FAM78B: variants seen among roughly 807,000 people sequenced by gnomAD.
FAM78B encodes the protein family with sequence similarity 78 member B, also known as protein FAM78B.
In FAM78B, 10 loss-of-function variants were observed where a neutral mutation model predicts 20.0. That is an observed-to-expected ratio of 0.50 (90% CI 0.31 to 0.85). The LOEUF (loss-of-function observed/expected upper bound fraction) is 0.85. FAM78B is among the 40% of genes least tolerant of loss of function. The pLI, the probability that FAM78B is intolerant of heterozygous loss-of-function variation, is 0.05. For synonymous variants in FAM78B, 135 were observed against 132.8 expected (o/e 1.02, Z -0.12); for missense variants, 283 against 345.0 (o/e 0.82, Z 1.42).
intron 1 of FAM78B, among the ~76,000 whole-genome samples, chr1:166,085,509 C>G (rs1557894096): frequency 6.6e-6 from 1 of 152,228 alleles, no homozygotes; most frequent in Non-Finnish European, 1.5e-5. Context: ...CAAGGAGACA[C>G]TGATAAAGAC....
At chr1:166,081,556 C>T (rs1557892509) in intron 1 of FAM78B, among the ~76,000 whole-genome samples, 1 of 152,198 alleles carries the variant, frequency 6.6e-6, no homozygotes, top group Non-Finnish European at 1.5e-5. Flanking sequence ...GGCTGTGTCC[C>T]TTACAAGGGT....
At chr1:166,118,885 T>G (rs1654361450) in intron 1 of FAM78B, among the ~76,000 whole-genome samples, 1 of 152,078 alleles carries the variant, frequency 6.6e-6, no homozygotes, top group Non-Finnish European at 1.5e-5. Flanking sequence ...CATCCCCAGC[T>G]CCTCTGCTGA....
chr1:166,166,971 T>G lies in FAM78B; in HGVS notation c.-723A>C, dbSNP rs1020234538. ...CCAACGGCTGGAGCAGCACAGGACG[T>G]GCTCCGCGGAGGAAACTGGCTGTAC... is the stretch of plus-strand genomic sequence containing the variant. On this transcript the variant is annotated 5_prime_UTR_variant, in exon 1 of 2. Transcript: ENST00000354422. 7.2e-6 allele frequency: 1 copy of G among 139,382 alleles called. No homozygotes were observed. The highest frequency in any genetic ancestry group is 1.5e-5 in the Non-Finnish European group (1 of 65,506). 8.6% of individuals were successfully genotyped at this position (139,382 alleles called of 1,614,324 possible).
exon 3 of FAM78B, chr1:166,058,248 T>A (rs1651427475): frequency 6.6e-6 from 1 of 152,186 alleles, no homozygotes; most frequent in Non-Finnish European, 1.5e-5. Context: ...CTGGGAAGGG[T>A]AACACTCGAC....
intron 1 of FAM78B, among the ~76,000 whole-genome samples, chr1:166,155,712 A>C (rs1557920611): frequency 6.6e-6 from 1 of 152,224 alleles, no homozygotes; most frequent in Non-Finnish European, 1.5e-5. Context: ...GATAACAAAA[A>C]ATCTATTCTT....
chr1:166,122,655 A>T (rs1298997951), intron 1 of FAM78B, among the ~76,000 whole-genome samples: 1 of 152,182 alleles, frequency 6.6e-6, no homozygotes. Context: ...CTCTCTTAGC[A>T]TCTGTGTGTC....
chr1:166,075,259 A>G (rs903257734), intron 1 of FAM78B, among the ~76,000 whole-genome samples: 3 of 152,228 alleles, frequency 2.0e-5, no homozygotes, highest in African/African-American at 7.2e-5. Context: ...GTGATCTTTA[A>G]TGAGGGCTTC....
intron 1 of FAM78B, among the ~76,000 whole-genome samples, chr1:166,090,630 G>T (rs972075411): frequency 1.3e-5 from 2 of 152,188 alleles, no homozygotes; most frequent in African/African-American, 4.8e-5. Context: ...CAGTTCGAAT[G>T]ATTTCTTCAC....
chr1:166,164,948 T>G (rs1270854263), intron 1 of FAM78B: 1 of 152,276 alleles, frequency 6.6e-6, no homozygotes, highest in Non-Finnish European at 1.5e-5. Flanking sequence ...CTATTGTCGT[T>G]GCCACCTGCT....
chr1:166,083,520 T>A (rs1652664396), intron 1 of FAM78B, among the ~76,000 whole-genome samples: 2 of 152,206 alleles, frequency 1.3e-5, no homozygotes, highest in Non-Finnish European at 2.9e-5. Flanking sequence ...TTTCCTTTTT[T>A]TTGAAATGCA....
chr1:166,063,239 T>C (rs1387156558), intron 2 of FAM78B, among the ~76,000 whole-genome samples: 12 of 152,216 alleles, frequency 7.9e-5, no homozygotes, highest in Non-Finnish European at 1.2e-4. Context: ...GCCTGACACA[T>C]AGAAGACACT....
chr1:166,098,348 A>G (rs1470811002), intron 1 of FAM78B, among the ~76,000 whole-genome samples: 2 of 152,162 alleles, frequency 1.3e-5, no homozygotes, highest in Non-Finnish European at 2.9e-5. Flanking sequence ...CGCCGCCTCC[A>G]AAATCACACT....
intron 2 of FAM78B, among the ~76,000 whole-genome samples, chr1:166,062,992 C>A (rs1651663000): frequency 6.6e-6 from 1 of 152,200 alleles, no homozygotes; most frequent in African/African-American, 2.4e-5. Flanking sequence ...CTTCAAAGGG[C>A]TCAAAGTGCT....
At chr1:166,139,713 G>A (rs562941918) in intron 1 of FAM78B, among the ~76,000 whole-genome samples, 7 of 152,144 alleles carry the variant, frequency 4.6e-5, no homozygotes, top group African/African-American at 1.7e-4. Flanking sequence ...CTGCAGGGCT[G>A]GTCTTAACCA....
rs184946288 is a variant in FAM78B, at chr1:166,144,605, G to C, written c.263+21381C>G. On this transcript the variant is annotated intron_variant, in intron 1 of 1. Coordinates refer to ENST00000354422, the MANE Select transcript of FAM78B (RefSeq NM_001017961.5). ...AGAGAGTAACAGGGTGGGCGGAAAG[G>C]GGGGCAGAGTGAGGTCCCCATTCAT... Among the ~76,000 whole-genome samples the C allele has an allele frequency of 1.5e-3, 229 of 152,230 alleles. 2 individuals carry two copies. Among genetic ancestry groups the C allele is most frequent in the Non-Finnish European group, 1.2e-3 (85 of 68,030 alleles).
rs910037335 is a variant in FAM78B at position 166,165,871 on chromosome 1, A to C, written c.263+115T>G. 8 of 1,219,618 alleles carry C rather than the reference A, an allele frequency of 6.6e-6. No individual in the cohort carries two copies. The Admixed American group carries it at 1.0e-4, about 15-fold the overall frequency. 75.5% of individuals were successfully genotyped at this position (1,219,618 alleles called of 1,614,324 possible). On this transcript the variant is annotated intron_variant, in intron 1 of 1. Transcript: ENST00000354422. ...GGAGGTGGGAGAGGAGGCGGGAGGA[A>C]GGTTTAGAAAGACGATGGGGACAGC...
chr1:166,149,992 G>A (rs1655612609), intron 1 of FAM78B, among the ~76,000 whole-genome samples: 1 of 152,194 alleles, frequency 6.6e-6, no homozygotes. Flanking sequence ...GAAGCCAAAT[G>A]CTAGTGCAAA....
intron 1 of FAM78B, among the ~76,000 whole-genome samples, chr1:166,109,910 A>ATG (rs1256328815): frequency 2.8e-5 from 3 of 108,440 alleles, no homozygotes; most frequent in Non-Finnish European, 5.9e-5. Context: ...ATATATATAT[A>ATG]TATATATATA....
At chr1:166,158,669 C>G (rs1186234704) in intron 1 of FAM78B, among the ~76,000 whole-genome samples, 1 of 152,242 alleles carries the variant, frequency 6.6e-6, no homozygotes, top group Non-Finnish European at 1.5e-5. Flanking sequence ...CCCAAAACAA[C>G]AACAACAACT....
Sources: gnomAD v4.1 joint callset for allele counts (sites outside exome capture counted in the v4.1 genomes callset) on GRCh38, gnomAD v4.1.1 for gene constraint, MANE v1.5 for transcripts, NCBI Gene and HGNC (gene_info 2026-07-23, HGNC 2026-07-21) for gene names.